The following FRMD4A variants were observed in gnomAD, a reference collection of about 807,000 sequenced individuals.
FRMD4A encodes FERM domain-containing protein 4A.
Under a neutral mutation model 129.1 loss-of-function variants are expected in FRMD4A, and 29 were observed. The observed-to-expected ratio is 0.22, with a 90% CI of 0.17 to 0.31. FRMD4A has a LOEUF of 0.31. FRMD4A is among the 10% of genes least tolerant of loss of function. FRMD4A has a pLI of 1.00. For synonymous variants in FRMD4A, 634 were observed against 571.6 expected (o/e 1.11, Z -1.56); for missense variants, 1,272 against 1,375.8 (o/e 0.92, Z 1.19).
intron 3 of FRMD4A, among the ~76,000 whole-genome samples, chr10:13,851,763 G>A (rs1427019221): frequency 6.6e-6 from 1 of 151,956 alleles, no homozygotes; most frequent in East Asian, 1.9e-4. Flanking sequence ...AGTTGGGTGT[G>A]GTGGCGCCTG....
chr10:13,675,042 A>C lies in FRMD4A; in HGVS notation c.1120T>G (p.Ser374Ala), dbSNP rs2083856307. Residue 374 changes from serine to alanine, a missense_variant and splice_region_variant, in exon 16 of 25, where the codon TCT becomes GCT. Around this residue, in one of 2 missense-constraint regions of FRMD4A, gnomAD observed 300 missense variants for 483.6 expected, o/e 0.62. Coordinates refer to ENST00000357447, the MANE Select transcript of FRMD4A (RefSeq NM_018027.5). ...GACTGCGAGCTATCTGATTCCTGAG[A>C]ACCTGTCGATAAACAGTGGGGTTAC... Reference protein sequence around the residue: ...GSSGSLLSSGSQESDSSQSAK... With the variant: ...GSSGSLLSSGAQESDSSQSAK... 6.2e-7 allele frequency: 1 copy of C among 1,612,526 alleles called. No individual in the cohort carries two copies. The highest frequency in any genetic ancestry group is 8.5e-7 in the Non-Finnish European group (1 of 1,179,960).
chr10:13,991,774 A>G (rs2131428161), intron 2 of FRMD4A: 1 of 152,786 alleles, frequency 6.5e-6, no homozygotes, highest in South Asian at 2.1e-4. Context: ...CACACACAGA[A>G]GAGAAGGTTA....
chr10:14,111,789 GACTA>G (rs1416381340), intron 2 of FRMD4A, among the ~76,000 whole-genome samples: 3 of 151,828 alleles, frequency 2.0e-5, no homozygotes, highest in Admixed American at 2.0e-4. Flanking sequence ...AGGATTTTAT[GACTA>G]ACTGACAAAC....
chr10:13,765,395 G>C (rs1238715729), intron 6 of FRMD4A, among the ~76,000 whole-genome samples: 5 of 152,054 alleles, frequency 3.3e-5, no homozygotes, highest in Non-Finnish European at 5.9e-5. Context: ...GGAATTACAG[G>C]CATGAGCCAC....
At chr10:13,753,659 C>T (rs1174374008) in intron 8 of FRMD4A, among the ~76,000 whole-genome samples, 1 of 151,126 alleles carries the variant, frequency 6.6e-6, no homozygotes, top group East Asian at 1.9e-4. Context: ...AACCACCTGC[C>T]TTAGCCTCCA....
At chr10:13,936,501 G>T (rs2095250348) in intron 2 of FRMD4A, among the ~76,000 whole-genome samples, 1 of 152,120 alleles carries the variant, frequency 6.6e-6, no homozygotes, top group Admixed American at 6.6e-5. Context: ...GGTCATGAGG[G>T]TGAAGCCTCA....
intron 2 of FRMD4A, among the ~76,000 whole-genome samples, chr10:14,011,891 C>T (rs945696053): frequency 6.6e-6 from 1 of 152,056 alleles, no homozygotes; most frequent in Non-Finnish European, 1.5e-5. Context: ...CACCTGTCAT[C>T]CCAGCTACTT....
chr10:14,324,951 G>A (rs1415089115), intron 2 of FRMD4A, among the ~76,000 whole-genome samples: 3 of 152,176 alleles, frequency 2.0e-5, no homozygotes, highest in South Asian at 2.1e-4. Flanking sequence ...ATGAGCCACC[G>A]CACCTGGCCT....
intron 2 of FRMD4A, among the ~76,000 whole-genome samples, chr10:13,988,755 GATCT>G (rs2095591962): frequency 6.6e-6 from 1 of 152,108 alleles, no homozygotes; most frequent in Admixed American, 6.6e-5. Flanking sequence ...TTTCTATAGA[GATCT>G]ATCTGCCTAT....
At chr10:13,786,942 C>T (rs2092880190) in intron 5 of FRMD4A, among the ~76,000 whole-genome samples, 1 of 152,156 alleles carries the variant, frequency 6.6e-6, no homozygotes, top group Non-Finnish European at 1.5e-5. Flanking sequence ...GCCTCTTCCA[C>T]CCCAATTTTC....
rs115574066 is a variant in FRMD4A at position 13,977,782 on chromosome 10, C to T, written c.46-118870G>A. Among the ~76,000 whole-genome samples the T allele has an allele frequency of 2.4e-3, 365 of 152,264 alleles. 1 individual carries two copies. Among genetic ancestry groups the T allele is most frequent in the African/African-American group, 8.4e-3 (348 of 41,546 alleles). On this transcript the variant is annotated intron_variant, in intron 2 of 24. Transcript: ENST00000357447. ...TTTGTGGCTGACTTCTTTCACTTAG[C>T]GTAATGTTTTCAAGATTCATCCATA...
At chr10:14,309,989 G>A (rs1846487145) in intron 2 of FRMD4A, among the ~76,000 whole-genome samples, 1 of 142,744 alleles carries the variant, frequency 7.0e-6, no homozygotes, top group Non-Finnish European at 1.5e-5. Flanking sequence ...CGTTCTTCCA[G>A]CACCTGTGAT....
chr10:13,718,465 G>A (rs1034268157), intron 12 of FRMD4A, among the ~76,000 whole-genome samples: 4 of 152,226 alleles, frequency 2.6e-5, no homozygotes, highest in African/African-American at 4.8e-5. Flanking sequence ...GCTGGGCCAC[G>A]GTCTCTGCAG....
chr10:14,029,784 A>G (rs2457855), intron 2 of FRMD4A, among the ~76,000 whole-genome samples: 27,633 of 150,650 alleles, frequency 0.18, 3,833 homozygotes, highest in African/African-American at 0.39. Context: ...TGATCACCCA[A>G]TTAGTCCCAC....
intron 3 of FRMD4A, among the ~76,000 whole-genome samples, chr10:13,851,209 G>A (rs758065554): frequency 1.8e-4 from 27 of 152,098 alleles, no homozygotes; most frequent in Non-Finnish European, 3.2e-4. Flanking sequence ...GTGAGACTTC[G>A]TCTCAAAACA....
intron 3 of FRMD4A, among the ~76,000 whole-genome samples, chr10:13,829,027 A>G (rs2093748523): frequency 6.6e-6 from 1 of 152,194 alleles, no homozygotes; most frequent in Admixed American, 6.5e-5. Context: ...TCTCTGAGAA[A>G]TCTCCATACT....
At chr10:14,001,988 A>G (rs1293555911) in intron 2 of FRMD4A, among the ~76,000 whole-genome samples, 1 of 152,216 alleles carries the variant, frequency 6.6e-6, no homozygotes, top group East Asian at 1.9e-4. Flanking sequence ...TGTATTCCGA[A>G]TTCTTAAGTT....
intron 2 of FRMD4A, among the ~76,000 whole-genome samples, chr10:14,230,227 C>T (rs1365715875): frequency 1.3e-5 from 2 of 152,176 alleles, no homozygotes; most frequent in African/African-American, 2.4e-5. Flanking sequence ...CCCCTAGCAT[C>T]TTGGGACAAA....
At chr10:14,320,282 C>T (rs1846925106) in intron 2 of FRMD4A, among the ~76,000 whole-genome samples, 1 of 152,196 alleles carries the variant, frequency 6.6e-6, no homozygotes, top group African/African-American at 2.4e-5. Flanking sequence ...AGAGCATTTG[C>T]AATGTCTTGC....
Sources: allele counts gnomAD v4.1 joint callset (sites outside exome capture counted in the v4.1 genomes callset), GRCh38; gene constraint gnomAD v4.1.1; regional missense constraint gnomAD v4.1.1; transcripts MANE v1.5; gene names NCBI Gene and HGNC (gene_info 2026-07-23, HGNC 2026-07-21).